Variants in DENND1A observed in about 807,000 individuals in gnomAD.
DENND1A encodes DENN domain containing 1A.
A neutral mutation model predicts 113.7 loss-of-function variants in DENND1A; 51 were observed. That is an observed-to-expected ratio of 0.45 (90% CI 0.36 to 0.57). DENND1A has a LOEUF of 0.57. Ranked by LOEUF, DENND1A falls within the 20% of genes least tolerant of loss-of-function variation. The probability of loss-of-function intolerance (pLI) is 0.00; values close to 1 mark genes in which losing one functional copy is unlikely to be tolerated. For missense variants in DENND1A, 1,258 were observed against 1,395.9 expected, an observed-to-expected ratio of 0.90 and a Z score of 1.57; for synonymous variants, 565 against 570.8, an observed-to-expected ratio of 0.99 and a Z score of 0.14.
At chr9:123,445,739 T>C (rs899287132) in intron 18 of DENND1A, among the ~76,000 whole-genome samples, 2 of 152,108 alleles carry the variant, frequency 1.3e-5, no homozygotes, top group African/African-American at 4.8e-5. Flanking sequence ...GTGTGATGGG[T>C]GCCTGTAATC....
At chr9:123,905,478 C>T (rs1170649029) in intron 1 of DENND1A, among the ~76,000 whole-genome samples, 1 of 145,160 alleles carries the variant, frequency 6.9e-6, no homozygotes, top group African/African-American at 2.6e-5. Flanking sequence ...CATGCAGAGA[C>T]ACACATAGGC....
At chr9:123,415,989 T>C (rs2044697674) in intron 19 of DENND1A, among the ~76,000 whole-genome samples, 1 of 152,006 alleles carries the variant, frequency 6.6e-6, no homozygotes, top group African/African-American at 2.4e-5. Context: ...GGTAAGGGGA[T>C]GAGCTAGGAA....
chr9:123,526,360 C>A (rs932455727), intron 13 of DENND1A, among the ~76,000 whole-genome samples: 2 of 152,192 alleles, frequency 1.3e-5, no homozygotes, highest in Admixed American at 1.3e-4. Context: ...CCCTTCCATC[C>A]CAGGGCCCTG....
At chr9:123,868,093 C>T (rs1243016171) in intron 2 of DENND1A, among the ~76,000 whole-genome samples, 1 of 152,168 alleles carries the variant, frequency 6.6e-6, no homozygotes, top group Non-Finnish European at 1.5e-5. Flanking sequence ...AGTAAATTCC[C>T]TTTGTTGTTC....
At chr9:123,878,200 T>C (rs1366012949) in intron 2 of DENND1A, among the ~76,000 whole-genome samples, 1 of 125,794 alleles carries the variant, frequency 7.9e-6, no homozygotes, top group Non-Finnish European at 1.5e-5. Context: ...CAAAACTCCA[T>C]CTCAAAAAAA....
intron 1 of DENND1A, among the ~76,000 whole-genome samples, chr9:123,898,567 A>C (rs989929406): frequency 6.6e-6 from 1 of 152,116 alleles, no homozygotes; most frequent in Non-Finnish European, 1.5e-5. Context: ...GGCTCATGCA[A>C]TCTTCCTGCC....
Position 123,471,542 on chromosome 9 carries a change from A to T in DENND1A, c.994-13645T>A, listed in dbSNP as rs556527959. On this transcript the variant is annotated intron_variant, in intron 13 of 23. Coordinates refer to ENST00000394215, the MANE Select transcript of DENND1A (RefSeq NM_001352964.2). ...CATGTGACAGGGCAGTGGAGGCGAG[A>T]CCGCAACGTACAGCAAGAAGAAAAG... Among the ~76,000 whole-genome samples, 5 of 152,336 alleles carry T rather than the reference A, an allele frequency of 3.3e-5. No homozygotes were observed. In the East Asian group the frequency reaches 9.6e-4, roughly 29 times the overall value.
intron 5 of DENND1A, among the ~76,000 whole-genome samples, chr9:123,681,194 A>G (rs1305705108): frequency 6.6e-6 from 1 of 152,056 alleles, no homozygotes; most frequent in African/African-American, 2.4e-5. Flanking sequence ...GGATAAAGAC[A>G]GCATCTATGT....
intron 5 of DENND1A, among the ~76,000 whole-genome samples, chr9:123,744,044 T>C (rs1288378701): frequency 6.6e-6 from 1 of 152,188 alleles, no homozygotes; most frequent in Non-Finnish European, 1.5e-5. Flanking sequence ...GAGATAGATA[T>C]ATGAAGGTGG....
chr9:123,888,509 T>C (rs1281266539), intron 1 of DENND1A, among the ~76,000 whole-genome samples: 1 of 152,222 alleles, frequency 6.6e-6, no homozygotes, highest in Non-Finnish European at 1.5e-5. Flanking sequence ...GTCAAAGTGA[T>C]CACCATCAGT....
At chr9:123,383,266 T>G (rs2042376527) in intron 23 of DENND1A, among the ~76,000 whole-genome samples, 1 of 152,160 alleles carries the variant, frequency 6.6e-6, no homozygotes, top group Admixed American at 6.5e-5. Flanking sequence ...TGATTTGCAT[T>G]CATAATGCAG....
At chr9:123,790,098 A>G (rs1014384179) in intron 3 of DENND1A, among the ~76,000 whole-genome samples, 3 of 152,100 alleles carry the variant, frequency 2.0e-5, no homozygotes, top group Non-Finnish European at 4.4e-5. Context: ...AATACTAGAA[A>G]TGTTGTCGAG....
At chr9:123,588,388 GC>G (rs1403585553) in intron 11 of DENND1A, among the ~76,000 whole-genome samples, 1 of 151,794 alleles carries the variant, frequency 6.6e-6, no homozygotes, top group East Asian at 1.9e-4. Context: ...GGAGGCTGAG[GC>G]GGGTGGATCA....
intron 7 of DENND1A, among the ~76,000 whole-genome samples, chr9:123,669,825 T>C (rs1011576147): frequency 6.6e-6 from 1 of 152,230 alleles, no homozygotes; most frequent in Non-Finnish European, 1.5e-5. Context: ...TTCTTTCCTA[T>C]GCTCTATTAA....
At chr9:123,830,917 A>C (rs867208432) in intron 2 of DENND1A, among the ~76,000 whole-genome samples, 22 of 150,626 alleles carry the variant, frequency 1.5e-4, no homozygotes, top group African/African-American at 4.9e-4. Context: ...AAGAATAGGA[A>C]ATCCTGCCAT....
chr9:123,912,357 C>T (rs1854160372), intron 1 of DENND1A, among the ~76,000 whole-genome samples: 1 of 152,116 alleles, frequency 6.6e-6, no homozygotes, highest in Non-Finnish European at 1.5e-5. Context: ...TTTTCCTTGC[C>T]TCATGTATCA....
chr9:123,504,011 C>G (rs2052706998), intron 13 of DENND1A, among the ~76,000 whole-genome samples: 1 of 152,184 alleles, frequency 6.6e-6, no homozygotes, highest in African/African-American at 2.4e-5. Flanking sequence ...AAACATTGGC[C>G]ATACTCCTTT....
At chr9:123,667,699 T>C (rs1473055603) in intron 7 of DENND1A, among the ~76,000 whole-genome samples, 1 of 152,192 alleles carries the variant, frequency 6.6e-6, no homozygotes, top group East Asian at 1.9e-4. Context: ...TATTGTTCAG[T>C]GAGGCAAGTG....
intron 9 of DENND1A, among the ~76,000 whole-genome samples, chr9:123,635,087 A>T (rs2061640385): frequency 2.0e-5 from 3 of 150,882 alleles, no homozygotes; most frequent in South Asian, 4.2e-4. Context: ...ACAAGGACAC[A>T]TTTTTTTTTT....
Sources: gnomAD v4.1 joint callset for allele counts (sites outside exome capture counted in the v4.1 genomes callset) on GRCh38, gnomAD v4.1.1 for gene constraint, MANE v1.5 for transcripts, NCBI Gene and HGNC (gene_info 2026-07-23, HGNC 2026-07-21) for gene names.